The following PTPRG variants were observed in gnomAD, a reference collection of about 807,000 sequenced individuals.
PTPRG encodes the protein receptor-type tyrosine-protein phosphatase gamma.
A neutral mutation model predicts 165.3 loss-of-function variants in PTPRG; 102 were observed. The observed-to-expected ratio is 0.62, with a 90% confidence interval of 0.53 to 0.73. The LOEUF is 0.73. Among genes scored for constraint, PTPRG ranks in the 30% least tolerant of loss-of-function variants. The pLI, the probability that PTPRG is intolerant of heterozygous loss-of-function variation, is 0.00. For missense variants in PTPRG, 1,866 were observed against 1,861.4 expected (o/e 1.00, Z -0.05); for synonymous variants, 675 against 669.5 (o/e 1.01, Z -0.13).
At position 62,271,651 on chromosome 3, in the gene PTPRG, A is replaced by G. The variant is rs1481128963; in HGVS notation, c.3182+96A>G. The G allele has an allele frequency of 1.7e-6, 2 of 1,162,194 alleles. No individual in the cohort carries two copies. Among genetic ancestry groups the G allele is most frequent in the Non-Finnish European group, 2.4e-6 (2 of 835,794 alleles). 72.0% of individuals were successfully genotyped at this position (1,162,194 alleles called of 1,614,324 possible). On this transcript the variant is annotated intron_variant, in intron 21 of 29. Transcript: ENST00000474889. This position sits in a 1 kb window ranked among gnomAD's most constrained non-coding sequence, Gnocchi z 4.1. ...ATGATTGCTACTGCTTTCACTTAGA[A>G]GCTGAATCTTCCACTGGAAACTGGG...
intron 6 of PTPRG, among the ~76,000 whole-genome samples, chr3:62,148,764 C>G (rs2106669614): frequency 6.7e-6 from 1 of 148,286 alleles, no homozygotes; most frequent in East Asian, 1.9e-4. Flanking sequence ...TCCGTCTCCA[C>G]AAAATAAATA....
At chr3:61,797,152 A>G (rs531358020) in intron 2 of PTPRG, among the ~76,000 whole-genome samples, 2 of 152,356 alleles carry the variant, frequency 1.3e-5, no homozygotes, top group African/African-American at 2.4e-5. Context: ...CCAGGTTTCC[A>G]TCATCTGTGA....
intron 1 of PTPRG, among the ~76,000 whole-genome samples, chr3:61,667,429 T>C (rs1312197185): frequency 6.6e-6 from 1 of 152,180 alleles, no homozygotes; most frequent in African/African-American, 2.4e-5. Flanking sequence ...ATACTGGTTC[T>C]AGATAATGCC....
chr3:62,091,513 G>A (rs892909596), intron 5 of PTPRG, among the ~76,000 whole-genome samples: 12 of 152,164 alleles, frequency 7.9e-5, no homozygotes, highest in African/African-American at 2.2e-4. Context: ...CCATTAGAAC[G>A]TAAAAGGGCC....
intron 8 of PTPRG, among the ~76,000 whole-genome samples, chr3:62,169,563 T>C (rs914066098): frequency 5.9e-5 from 9 of 152,052 alleles, no homozygotes; most frequent in African/African-American, 1.9e-4. Flanking sequence ...CCTCTCAGGC[T>C]CTGGGATTTA....
chr3:62,094,892 T>G (rs970510211), intron 5 of PTPRG, among the ~76,000 whole-genome samples: 1 of 152,214 alleles, frequency 6.6e-6, no homozygotes. Context: ...TTGCAGATAT[T>G]CCCACATCAG....
chr3:62,117,519 C>T (rs1290294201), intron 5 of PTPRG, among the ~76,000 whole-genome samples: 1 of 152,106 alleles, frequency 6.6e-6, no homozygotes, highest in Non-Finnish European at 1.5e-5. Context: ...AGGTATGGTT[C>T]ATTTACTGTG....
At chr3:61,747,876 G>A (rs1479897063) in intron 1 of PTPRG, among the ~76,000 whole-genome samples, 4 of 151,882 alleles carry the variant, frequency 2.6e-5, no homozygotes, top group South Asian at 2.1e-4. Flanking sequence ...TATTGTTTGC[G>A]TGTAATTCCG....
chr3:61,871,133 G>A (rs663296), intron 2 of PTPRG, among the ~76,000 whole-genome samples: 23,653 of 108,822 alleles, frequency 0.22, 3,055 homozygotes, highest in African/African-American at 0.38. Context: ...ATGTTATGTT[G>A]TGTTGTGTTG....
At chr3:62,093,295 A>T (rs1289780584) in intron 5 of PTPRG, among the ~76,000 whole-genome samples, 1 of 152,092 alleles carries the variant, frequency 6.6e-6, no homozygotes, top group Non-Finnish European at 1.5e-5. Flanking sequence ...TAGTTTTCTT[A>T]AAGAGCATGT....
intron 1 of PTPRG, among the ~76,000 whole-genome samples, chr3:61,618,321 A>C (rs1701356308): frequency 6.6e-6 from 1 of 152,212 alleles, no homozygotes; most frequent in Non-Finnish European, 1.5e-5. Context: ...CTGGTAAATT[A>C]GTTAAGTCTC....
At chr3:62,292,650 G>T (rs950876511) in intron 29 of PTPRG, 94 bp downstream of exon 29, 5 of 1,431,000 alleles carry the variant, frequency 3.5e-6, no homozygotes, top group Middle Eastern at 2.2e-4. Context: ...GGGTGATTTT[G>T]CCCCCCAGGG....
In PTPRG at chr3:62,217,280, A is replaced by G. The variant is rs980700761; in HGVS notation, c.2156-1571A>G. On this transcript the variant is annotated intron_variant, in intron 12 of 29. Transcript: ENST00000474889. The surrounding 1 kb of genome is among the most constrained non-coding windows in gnomAD (Gnocchi z 4.3). ...AATCAGAGTGTGCTGCACCTACTTG[A>G]CTCTGTCTTCTTACCTGTGAGCAGG... Among the ~76,000 whole-genome samples the G allele has an allele frequency of 2.6e-5, 4 of 151,754 alleles. No individual in the cohort carries two copies. Among genetic ancestry groups the G allele is most frequent in the Non-Finnish European group, 5.9e-5 (4 of 67,932 alleles).
In PTPRG at chr3:61,778,416, C is replaced by T. The variant is rs574832044; in HGVS notation, c.190+29434C>T. Among the ~76,000 whole-genome samples the T allele has an allele frequency of 2.7e-4, 41 of 152,218 alleles. No homozygotes were observed. The South Asian group carries it at 5.2e-3, about 19-fold the overall frequency. ...AAACGTCTGATTGGGTGGGGAAAAGCAACTAATCAGAGATACTTTCAATTT... is the reference window on the plus strand; with the variant it reads ...AAACGTCTGATTGGGTGGGGAAAAGTAACTAATCAGAGATACTTTCAATTT... On this transcript the variant is annotated intron_variant, in intron 2 of 29. Coordinates refer to ENST00000474889, the MANE Select transcript of PTPRG (RefSeq NM_002841.4).
At chr3:61,627,667 A>G (rs1191819852) in intron 1 of PTPRG, among the ~76,000 whole-genome samples, 1 of 152,202 alleles carries the variant, frequency 6.6e-6, no homozygotes, top group African/African-American at 2.4e-5. Flanking sequence ...GGAATGTTTT[A>G]TTCATCAGAC....
At chr3:62,013,187 C>G (rs1045772692) in intron 4 of PTPRG, among the ~76,000 whole-genome samples, 2 of 152,018 alleles carry the variant, frequency 1.3e-5, no homozygotes, top group Non-Finnish European at 2.9e-5. Flanking sequence ...ATTGTTTTAA[C>G]ATAAAATCAA....
intron 2 of PTPRG, among the ~76,000 whole-genome samples, chr3:61,937,939 T>G (rs1559700042): frequency 7.1e-6 from 1 of 140,826 alleles, no homozygotes. Flanking sequence ...GATCTTGGGG[T>G]TTTTTTTTTT....
intron 1 of PTPRG, among the ~76,000 whole-genome samples, chr3:61,701,963 AAGT>A (rs146105413): frequency 0.023 from 3,438 of 151,960 alleles, 120 homozygotes; most frequent in African/African-American, 0.077. Context: ...AAAAGGAAAA[AAGT>A]AGCCTGTGTG....
rs116683545 is a variant in PTPRG at position 61,855,761 on chromosome 3, G to A, written c.190+106779G>A. Among the ~76,000 whole-genome samples the A allele has an allele frequency of 3.4e-3, 506 of 149,590 alleles. 6 individuals carry two copies. The highest frequency in any genetic ancestry group is 0.012 in the African/African-American group (473 of 40,590). ...TACTCTTGGTTTACTGGTGCTTCAG[G>A]CCTCACATTAGGAAGCTTGCTGAGG... On this transcript the variant is annotated intron_variant, in intron 2 of 29. Coordinates refer to ENST00000474889, the MANE Select transcript of PTPRG (RefSeq NM_002841.4).
Sources: gnomAD v4.1 joint callset for allele counts (sites outside exome capture counted in the v4.1 genomes callset) on GRCh38, gnomAD v4.1.1 for gene constraint, Gnocchi (gnomAD v3.1) non-coding constraint, MANE v1.5 for transcripts, NCBI Gene and HGNC (gene_info 2026-07-23, HGNC 2026-07-21) for gene names.